Variants in NEGR1 observed in about 807,000 individuals in gnomAD.
The protein encoded by NEGR1 is neuronal growth regulator 1.
Under a neutral mutation model 40.9 loss-of-function variants are expected in NEGR1, and 10 were observed. The ratio of observed to expected loss-of-function variants is 0.24; its 90% CI spans 0.15 to 0.42. The LOEUF is 0.42. Among genes scored for constraint, NEGR1 ranks in the 10% least tolerant of loss-of-function variants. NEGR1 has a pLI of 1.00. For missense variants in NEGR1, 352 were observed against 438.9 expected (o/e 0.80, Z 1.77); for synonymous variants, 185 against 166.8 (o/e 1.11, Z -0.84).
chr1:72,023,075 C>T (rs1401223705), intron 1 of NEGR1, among the ~76,000 whole-genome samples: 1 of 152,098 alleles, frequency 6.6e-6, no homozygotes, highest in African/African-American at 2.4e-5. Flanking sequence ...ATAAAATCTG[C>T]ATGTATCCAA....
At chr1:71,609,404 A>T (rs1188627066) in intron 5 of NEGR1, among the ~76,000 whole-genome samples, 1 of 151,080 alleles carries the variant, frequency 6.6e-6, no homozygotes, top group Non-Finnish European at 1.5e-5. Flanking sequence ...AGTCCCAGCT[A>T]CTTGGGAGGC....
intron 1 of NEGR1, among the ~76,000 whole-genome samples, chr1:72,150,169 T>TA (rs987353519): frequency 5.9e-5 from 9 of 152,252 alleles, no homozygotes; most frequent in African/African-American, 2.2e-4. Context: ...GCCATTCATT[T>TA]ATTATTCTTT....
At chr1:72,060,998 GT>G (rs2100493335) in intron 1 of NEGR1, among the ~76,000 whole-genome samples, 1 of 151,656 alleles carries the variant, frequency 6.6e-6, no homozygotes, top group Non-Finnish European at 1.5e-5. Flanking sequence ...CTGAGCACAA[GT>G]TTTAGTTGTG....
At chr1:72,258,844 AATAT>A (rs1313372249) in intron 1 of NEGR1, among the ~76,000 whole-genome samples, 1 of 152,162 alleles carries the variant, frequency 6.6e-6, no homozygotes, top group Non-Finnish European at 1.5e-5. Context: ...TGAAAGGAAC[AATAT>A]ATAGGAGCCA....
chr1:71,876,271 G>C (rs1443474706), intron 2 of NEGR1, among the ~76,000 whole-genome samples: 3 of 152,044 alleles, frequency 2.0e-5, no homozygotes, highest in Non-Finnish European at 4.4e-5. Flanking sequence ...GGCAATTTGG[G>C]AGGCCCAGGA....
At chr1:72,014,538 C>T (rs1397867184) in intron 1 of NEGR1, among the ~76,000 whole-genome samples, 1 of 151,822 alleles carries the variant, frequency 6.6e-6, no homozygotes, top group Admixed American at 6.6e-5. Flanking sequence ...GAATGGTTTG[C>T]TAAGTTATAT....
chr1:71,939,107 T>C (rs777117797), intron 1 of NEGR1, among the ~76,000 whole-genome samples: 3 of 152,176 alleles, frequency 2.0e-5, no homozygotes, highest in Non-Finnish European at 4.4e-5. Context: ...CCTTTAGCTG[T>C]GCTTCCAACA....
chr1:71,898,991 T>C (rs1661066315), intron 2 of NEGR1, among the ~76,000 whole-genome samples: 1 of 77,048 alleles, frequency 1.3e-5, no homozygotes, highest in South Asian at 4.2e-4. Flanking sequence ...CATATATATA[T>C]ATATATATAT....
At chr1:71,542,497 A>G (rs1647745086) in intron 6 of NEGR1, among the ~76,000 whole-genome samples, 1 of 151,744 alleles carries the variant, frequency 6.6e-6, no homozygotes, top group African/African-American at 2.4e-5. Flanking sequence ...TTACAGCCTG[A>G]TGAAATTTTA....
At chr1:71,820,091 T>C (rs751254683) in intron 2 of NEGR1, among the ~76,000 whole-genome samples, 27 of 152,048 alleles carry the variant, frequency 1.8e-4, no homozygotes, top group African/African-American at 6.5e-4. Flanking sequence ...GTACTTTTAT[T>C]TTTTGGTAAT....
At chr1:71,436,431 G>A (rs1646510311) in intron 6 of NEGR1, among the ~76,000 whole-genome samples, 1 of 152,158 alleles carries the variant, frequency 6.6e-6, no homozygotes, top group Non-Finnish European at 1.5e-5. Context: ...AATCTGCCAG[G>A]AGGATTCTGA....
chr1:71,778,009 T>G (rs1223030640), intron 2 of NEGR1, among the ~76,000 whole-genome samples: 1 of 151,930 alleles, frequency 6.6e-6, no homozygotes, highest in African/African-American at 2.4e-5. Flanking sequence ...AATAAAAACA[T>G]TAAATTACCC....
intron 2 of NEGR1, among the ~76,000 whole-genome samples, chr1:71,862,543 A>G (rs138004107): frequency 4.1e-4 from 63 of 152,200 alleles, no homozygotes; most frequent in Non-Finnish European, 4.7e-4. Context: ...CTGCATTTGT[A>G]TTAAGGAGTT....
intron 3 of NEGR1, among the ~76,000 whole-genome samples, chr1:71,744,466 C>T (rs997413024): frequency 6.6e-6 from 1 of 151,760 alleles, no homozygotes; most frequent in East Asian, 1.9e-4. Flanking sequence ...ATATCCATAT[C>T]CATATATCTT....
chr1:71,799,866 C>A (rs1342578567), intron 2 of NEGR1, among the ~76,000 whole-genome samples: 2 of 152,136 alleles, frequency 1.3e-5, no homozygotes, highest in African/African-American at 4.8e-5. Context: ...GAGCATGCCA[C>A]CATGCCTGGC....
intron 1 of NEGR1, among the ~76,000 whole-genome samples, chr1:72,253,706 T>C (rs1284161333): frequency 6.6e-6 from 1 of 152,124 alleles, no homozygotes; most frequent in Non-Finnish European, 1.5e-5. Context: ...AAATAAAGTA[T>C]AGGAAAAACT....
chr1:72,030,670 T>TA (rs201552727), intron 1 of NEGR1, among the ~76,000 whole-genome samples: 2,119 of 151,890 alleles, frequency 0.014, 45 homozygotes, highest in African/African-American at 0.048. Context: ...AGCAGAAAGA[T>TA]AAAAAAAAGT....
chr1:71,514,413 A>T (rs928167857), intron 6 of NEGR1, among the ~76,000 whole-genome samples: 1 of 97,618 alleles, frequency 1.0e-5, no homozygotes, highest in Non-Finnish European at 2.0e-5. Context: ...TGGGTCCCTG[A>T]CCCCTGACCC....
intron 1 of NEGR1, among the ~76,000 whole-genome samples, chr1:72,257,321 C>CAA (rs34220734): frequency 0.015 from 843 of 56,480 alleles, 28 homozygotes; most frequent in African/African-American, 0.036. Flanking sequence ...GACTCTGTCT[C>CAA]AAAAAAAAAA....
Sources: gnomAD v4.1 joint callset for allele counts (sites outside exome capture counted in the v4.1 genomes callset) on GRCh38, gnomAD v4.1.1 for gene constraint, MANE v1.5 for transcripts, NCBI Gene and HGNC (gene_info 2026-07-23, HGNC 2026-07-21) for gene names.